The following DLG2 variants were observed in gnomAD, a reference collection of about 807,000 sequenced individuals.
DLG2 encodes disks large homolog 2.
In DLG2, 45 loss-of-function variants were observed where a neutral mutation model predicts 132.5. The observed-to-expected ratio is 0.34, with a 90% confidence interval of 0.27 to 0.44. The LOEUF (loss-of-function observed/expected upper bound fraction) is 0.44. Ranked by LOEUF, DLG2 falls within the 20% of genes least tolerant of loss-of-function variation. DLG2 has a pLI of 1.00. For synonymous variants in DLG2, 424 were observed against 419.6 expected, an observed-to-expected ratio of 1.01 and a Z score of -0.13; for missense variants, 1,045 against 1,196.9, an observed-to-expected ratio of 0.87 and a Z score of 1.87.
At chr11:84,935,637 A>G (rs2048648819) in intron 6 of DLG2, among the ~76,000 whole-genome samples, 1 of 152,182 alleles carries the variant, frequency 6.6e-6, no homozygotes, top group African/African-American at 2.4e-5. Flanking sequence ...TTTGGTTATT[A>G]TAACTGGGGA....
In DLG2 at chr11:85,107,500, C is replaced by A. The variant is rs1187814283; in HGVS notation, c.357+4161G>T. 2.6e-5 allele frequency among the ~76,000 whole-genome samples: 4 copies of A among 152,040 alleles called. 1 individual carries two copies. The South Asian group carries it at 8.3e-4, about 31-fold the overall frequency. On this transcript the variant is annotated intron_variant, in intron 6 of 27. Coordinates refer to ENST00000376104, the MANE Select transcript of DLG2 (RefSeq NM_001142699.3). ...ATGCAGCAGCCACTCAAGCTTCTTA[C>A]AGTTGGTCATATCCAAAGTTCTTTA... is the stretch of plus-strand genomic sequence containing the variant.
intron 18 of DLG2, among the ~76,000 whole-genome samples, chr11:83,758,801 A>C (rs1273754499): frequency 1.3e-5 from 2 of 152,076 alleles, no homozygotes; most frequent in Non-Finnish European, 2.9e-5. Context: ...TGATTATATC[A>C]CCCTCCTCTT....
chr11:84,952,399 C>G (rs1591756979), intron 6 of DLG2, among the ~76,000 whole-genome samples: 1 of 152,188 alleles, frequency 6.6e-6, no homozygotes, highest in East Asian at 1.9e-4. Context: ...CGCCTGTAGT[C>G]CCAGCTACTC....
intron 5 of DLG2, among the ~76,000 whole-genome samples, chr11:85,137,970 G>A (rs190193363): frequency 3.3e-5 from 5 of 151,994 alleles, no homozygotes; most frequent in East Asian, 1.9e-4. Context: ...AATGGATCCC[G>A]AAAATAATTC....
At chr11:84,248,108 G>A (rs1049051463) in intron 8 of DLG2, among the ~76,000 whole-genome samples, 2 of 152,118 alleles carry the variant, frequency 1.3e-5, no homozygotes, top group African/African-American at 4.8e-5. Context: ...GACTGTGAAA[G>A]GAACAGTAAT....
At chr11:84,751,269 T>C (rs2066075334) in intron 6 of DLG2, among the ~76,000 whole-genome samples, 1 of 152,126 alleles carries the variant, frequency 6.6e-6, no homozygotes, top group Admixed American at 6.6e-5. Flanking sequence ...CTAATAAGCA[T>C]ATGTGCTTTA....
chr11:85,416,436 G>C (rs950240533), intron 3 of DLG2, among the ~76,000 whole-genome samples: 1 of 152,036 alleles, frequency 6.6e-6, no homozygotes, highest in Non-Finnish European at 1.5e-5. Flanking sequence ...CTGTTTTTTG[G>C]TTCCATATAA....
At chr11:84,863,104 C>T (rs1024082540) in intron 6 of DLG2, among the ~76,000 whole-genome samples, 4 of 151,954 alleles carry the variant, frequency 2.6e-5, no homozygotes, top group Non-Finnish European at 5.9e-5. Flanking sequence ...AATAGCTGTA[C>T]GTATTTAATG....
At chr11:83,926,800 G>T (rs1463995517) in intron 15 of DLG2, among the ~76,000 whole-genome samples, 2 of 152,102 alleles carry the variant, frequency 1.3e-5, no homozygotes, top group Non-Finnish European at 2.9e-5. Context: ...CAGCACACAG[G>T]TGATGGTGTC....
Position 85,595,361 on chromosome 11 carries a change from T to C in DLG2, c.40+3296A>G, listed in dbSNP as rs181149289. On this transcript the variant is annotated intron_variant, in intron 3 of 27. Coordinates refer to ENST00000376104, the MANE Select transcript of DLG2 (RefSeq NM_001142699.3). Reference sequence around the variant, plus strand: ...TAAACAAAGAGACATAAATTAATCATAAAATATTATGGAATTCCAATTCTC... The same window carrying C: ...TAAACAAAGAGACATAAATTAATCACAAAATATTATGGAATTCCAATTCTC... Among the ~76,000 whole-genome samples, 786 of 152,254 alleles carry C rather than the reference T, an allele frequency of 5.2e-3. 5 individuals are homozygous for C. Among genetic ancestry groups the C allele is most frequent in the African/African-American group, 0.018 (728 of 41,558 alleles).
intron 18 of DLG2, among the ~76,000 whole-genome samples, chr11:83,700,419 C>G (rs2082723720): frequency 6.6e-6 from 1 of 152,100 alleles, no homozygotes; most frequent in Non-Finnish European, 1.5e-5. Flanking sequence ...CTAGGTCATG[C>G]AGCTCTATTC....
intron 3 of DLG2, among the ~76,000 whole-genome samples, chr11:85,442,346 C>G (rs1220711799): frequency 2.0e-5 from 3 of 152,092 alleles, no homozygotes; most frequent in African/African-American, 7.2e-5. Flanking sequence ...TTGGCTTGGA[C>G]TAGAGCAGTA....
At chr11:83,934,636 G>A (rs1246264332) in intron 14 of DLG2, among the ~76,000 whole-genome samples, 1 of 152,158 alleles carries the variant, frequency 6.6e-6, no homozygotes, top group African/African-American at 2.4e-5. Flanking sequence ...AACAATGAGA[G>A]TGACTTACAC....
chr11:84,332,781 C>T (rs1034913897), intron 7 of DLG2, among the ~76,000 whole-genome samples: 1 of 152,176 alleles, frequency 6.6e-6, no homozygotes, highest in African/African-American at 2.4e-5. Flanking sequence ...CCTCGTTCCA[C>T]TTGGAACAAA....
In DLG2 at chr11:84,417,254, T is replaced by C. The variant is rs1054887273; in HGVS notation, c.519+117316A>G. ...CTTAATTCACACTTATTATATGATC[T>C]ATGAAAGTCATTTTAAATGAAATTC... On this transcript the variant is annotated intron_variant, in intron 7 of 27. Coordinates refer to ENST00000376104, the MANE Select transcript of DLG2 (RefSeq NM_001142699.3). 9.8e-5 allele frequency among the ~76,000 whole-genome samples: 15 copies of C among 152,328 alleles called. 1 individual carries two copies. Among genetic ancestry groups the C allele is most frequent in the African/African-American group, 3.4e-4 (14 of 41,574 alleles).
intron 3 of DLG2, among the ~76,000 whole-genome samples, chr11:85,438,533 T>C (rs943047911): frequency 6.6e-6 from 1 of 152,172 alleles, no homozygotes; most frequent in African/African-American, 2.4e-5. Context: ...ACCTATAATA[T>C]ACAGAGATAT....
intron 19 of DLG2, among the ~76,000 whole-genome samples, chr11:83,575,176 T>G (rs1417081043): frequency 6.6e-6 from 1 of 152,174 alleles, no homozygotes; most frequent in African/African-American, 2.4e-5. Flanking sequence ...TTTAACCTCC[T>G]GCTTCAAACA....
intron 6 of DLG2, among the ~76,000 whole-genome samples, chr11:84,667,514 TG>T (rs1184429102): frequency 6.7e-6 from 1 of 148,526 alleles, no homozygotes. Context: ...TTTTTTTTTT[TG>T]AGTCATAGTC....
chr11:83,553,507 T>C (rs901070166), intron 19 of DLG2, among the ~76,000 whole-genome samples: 37 of 149,886 alleles, frequency 2.5e-4, no homozygotes, highest in Non-Finnish European at 4.1e-4. Flanking sequence ...TGTGTGTGTG[T>C]GTGTGTGTGT....
Sources: allele counts gnomAD v4.1 joint callset (sites outside exome capture counted in the v4.1 genomes callset), GRCh38; gene constraint gnomAD v4.1.1; transcripts MANE v1.5; gene names NCBI Gene and HGNC (gene_info 2026-07-23, HGNC 2026-07-21).